Variants in SC5D observed in about 807,000 individuals in gnomAD.
SC5D encodes the protein sterol-C5-desaturase.
Under a neutral mutation model 23.9 loss-of-function variants are expected in SC5D, and 21 were observed. The ratio of observed to expected loss-of-function variants is 0.88; its 90% confidence interval spans 0.62 to 1.26. SC5D has a LOEUF of 1.26. Among genes scored for constraint, SC5D ranks in the 50% most tolerant of loss-of-function variants. SC5D has a pLI of 0.00. For synonymous variants in SC5D, 113 were observed against 125.9 expected (o/e 0.90, Z 0.68); for missense variants, 309 against 364.8 (o/e 0.85, Z 1.25).
rs903345842 is a variant in SC5D at position 121,312,696 on chromosome 11, G to T, written c.*5184G>T. ...TTTTAGGCTGCAATGAGCTATAATT[G>T]CACTACTGCACTCCACGCTGGGTGA... On this transcript the variant is annotated 3_prime_UTR_variant, in exon 5 of 5. Coordinates refer to ENST00000264027, the MANE Select transcript of SC5D (RefSeq NM_006918.5). Among the ~76,000 whole-genome samples, 53 of 151,936 alleles carry T rather than the reference G, an allele frequency of 3.5e-4. No individual in the cohort carries two copies. The highest frequency in any genetic ancestry group is 1.3e-3 in the African/African-American group (52 of 41,384).
intron 1 of SC5D, among the ~76,000 whole-genome samples, chr11:121,293,853 A>G (rs1267330906): frequency 6.6e-6 from 1 of 152,222 alleles, no homozygotes; most frequent in Non-Finnish European, 1.5e-5. Flanking sequence ...TTGAGAGATA[A>G]CATAACGTGG....
rs1197861167 is a variant in SC5D at position 121,309,514 on chromosome 11, A to G, written c.*2002A>G. Among the ~76,000 whole-genome samples, 3 of 152,198 alleles carry G rather than the reference A, an allele frequency of 2.0e-5. No individual in the cohort carries two copies. Among genetic ancestry groups the G allele is most frequent in the Non-Finnish European group, 2.9e-5 (2 of 68,038 alleles). ...GATGTTGAAATGGTGAATGAGCCAT[A>G]AAGTATTTCAGGTTATCCACACACT... On this transcript the variant is annotated 3_prime_UTR_variant, in exon 5 of 5. Transcript: ENST00000264027.
rs1304927039 is a variant in SC5D at position 121,312,925 on chromosome 11, TC to T, written c.*5414del. Among the ~76,000 whole-genome samples, 1 of 152,188 alleles carries T rather than the reference TC, an allele frequency of 6.6e-6. No homozygotes were observed. The highest frequency in any genetic ancestry group is 2.4e-5 in the African/African-American group (1 of 41,466). On this transcript the variant is annotated 3_prime_UTR_variant, in exon 5 of 5. Coordinates refer to ENST00000264027, the MANE Select transcript of SC5D (RefSeq NM_006918.5). Reference sequence around the variant, plus strand: ...GGTGTGGTGACTTTTGTCTGTCGCTTCATTGGGACGTTTTTTCTTTCTGATC... The same window carrying T: ...GGTGTGGTGACTTTTGTCTGTCGCTTATTGGGACGTTTTTTCTTTCTGATC...
At chr11:121,294,989 A>G (rs1294320574) in intron 1 of SC5D, among the ~76,000 whole-genome samples, 5 of 152,194 alleles carry the variant, frequency 3.3e-5, no homozygotes, top group East Asian at 3.8e-4. Context: ...TATAACTTCA[A>G]CTACTACCTG....
Position 121,311,969 on chromosome 11 carries a change from C to G in SC5D, c.*4457C>G, listed in dbSNP as rs1591507742. 1.3e-5 allele frequency among the ~76,000 whole-genome samples: 2 copies of G among 152,124 alleles called. No homozygotes were observed. Among genetic ancestry groups the G allele is most frequent in the East Asian group, 3.9e-4 (2 of 5,194 alleles). On this transcript the variant is annotated 3_prime_UTR_variant, in exon 5 of 5. Transcript: ENST00000264027. Reference sequence around the variant, plus strand: ...TGAGGTGAAGTAGAGATAGAGGGTACACAGAAAAATCGTATAAGTAAAACT... The same window carrying G: ...TGAGGTGAAGTAGAGATAGAGGGTAGACAGAAAAATCGTATAAGTAAAACT...
rs1948022405 is a variant in SC5D at position 121,312,934 on chromosome 11, CG to C, written c.*5423del. 1.3e-5 allele frequency among the ~76,000 whole-genome samples: 2 copies of C among 152,130 alleles called. No individual in the cohort carries two copies. Among genetic ancestry groups the C allele is most frequent in the African/African-American group, 2.4e-5 (1 of 41,502 alleles). ...ACTTTTGTCTGTCGCTTCATTGGGA[CG>C]TTTTTTCTTTCTGATCAACTTAATG... On this transcript the variant is annotated 3_prime_UTR_variant, in exon 5 of 5. Transcript: ENST00000264027.
intron 1 of SC5D, among the ~76,000 whole-genome samples, chr11:121,300,278 A>G (rs1354125750): frequency 6.6e-6 from 1 of 152,218 alleles, no homozygotes; most frequent in Non-Finnish European, 1.5e-5. Context: ...AGCTTTGGAC[A>G]TTTTCCGTCC....
At position 121,309,002 on chromosome 11, in the gene SC5D, A is replaced by G. The variant is rs1316344876; in HGVS notation, c.*1490A>G. On this transcript the variant is annotated 3_prime_UTR_variant, in exon 5 of 5. Transcript: ENST00000264027. Reference sequence around the variant, plus strand: ...TCACCCCCGGTGCTCCGCCTTGCCTAAGAAAAAGAAATTAAGGAGAAGTAA... The same window carrying G: ...TCACCCCCGGTGCTCCGCCTTGCCTGAGAAAAAGAAATTAAGGAGAAGTAA... Among the ~76,000 whole-genome samples, 1 of 152,216 alleles carries G rather than the reference A, an allele frequency of 6.6e-6. No homozygotes were observed. Among genetic ancestry groups the G allele is most frequent in the Non-Finnish European group, 1.5e-5 (1 of 68,030 alleles).
intron 4 of SC5D, chr11:121,306,710 C>A (rs2134270410): frequency 1.4e-5 from 9 of 659,394 alleles, no homozygotes; most frequent in Non-Finnish European, 1.9e-5. Flanking sequence ...CATGGACTTA[C>A]AGAGGGAACA....
chr11:121,302,620 A>G (rs1009611920), intron 1 of SC5D, among the ~76,000 whole-genome samples: 1 of 152,102 alleles, frequency 6.6e-6, no homozygotes, highest in Non-Finnish European at 1.5e-5. Flanking sequence ...CTATAAGCCC[A>G]CCTTTGTAGC....
In SC5D at chr11:121,307,044, T is replaced by C; in HGVS notation, c.445-13T>C. The C allele has an allele frequency of 6.2e-7, 1 of 1,611,440 alleles. No individual in the cohort carries two copies. Among genetic ancestry groups the C allele is most frequent in the Non-Finnish European group, 8.5e-7 (1 of 1,177,526 alleles). On this transcript the variant is annotated splice_polypyrimidine_tract_variant and intron_variant, in intron 4 of 4. Coordinates refer to ENST00000264027, the MANE Select transcript of SC5D (RefSeq NM_006918.5). The stretch of plus-strand genomic sequence containing the variant: ...AAAGTTTGCAGTGCTAATTGTGTCC[T>C]TTTCTCCTGCAGCGCCTACATAAAC...
At chr11:121,301,635 G>C (rs115846060) in intron 1 of SC5D, among the ~76,000 whole-genome samples, 2,708 of 152,122 alleles carry the variant, frequency 0.018, 55 homozygotes, top group African/African-American at 0.055. Flanking sequence ...ATAGGGTTGG[G>C]GTTTATTTTT....
In SC5D at chr11:121,307,382, C is replaced by T; in HGVS notation, c.770C>T (p.Pro257Leu). 1 of 1,613,866 alleles carries T rather than the reference C, an allele frequency of 6.2e-7. No homozygotes were observed. ...AGGATTGGCGGCTCATTCAAAAATC[C>T]TTCATCCTTTGAGGGGAAGGGACCG... ...WDRIGGSFKN[P>L]SSFEGKGPLS... The change falls in exon 5 of 5, where the codon CCT (proline) becomes CTT (leucine). Residue 257 changes from proline to leucine, a missense_variant. Physicochemically the swap from Pro to Leu is moderately conservative, Grantham distance 98. Coordinates refer to ENST00000264027, the MANE Select transcript of SC5D (RefSeq NM_006918.5).
At chr11:121,303,175 A>T (rs1040538804) in intron 1 of SC5D, among the ~76,000 whole-genome samples, 191 bp from the exon 2 acceptor site, 4 of 152,198 alleles carry the variant, frequency 2.6e-5, no homozygotes, top group Non-Finnish European at 4.4e-5. Flanking sequence ...TAGTATGAAG[A>T]GATTGGACTA....
rs1947974819 is a variant in SC5D, at chr11:121,307,395, G to A, written c.783G>A (p.Glu261=). 6.2e-7 allele frequency: 1 copy of A among 1,613,770 alleles called. No individual in the cohort carries two copies. Among genetic ancestry groups the A allele is most frequent in the Non-Finnish European group, 8.5e-7 (1 of 1,179,718 alleles). Reference sequence around the variant, plus strand: ...CATTCAAAAATCCTTCATCCTTTGAGGGGAAGGGACCGCTCAGTTATGTGA... The same window carrying A: ...CATTCAAAAATCCTTCATCCTTTGAAGGGAAGGGACCGCTCAGTTATGTGA... ...GGSFKNPSSF[E]GKGPLSYVKE... is the part of the protein sequence containing the mutation. Residue 261 remains glutamate, a synonymous_variant, in exon 5 of 5, where the codon GAG becomes GAA. Transcript: ENST00000264027.
Position 121,312,404 on chromosome 11 carries a change from A to G in SC5D, c.*4892A>G, listed in dbSNP as rs1591507895. 6.6e-6 allele frequency among the ~76,000 whole-genome samples: 1 copy of G among 152,228 alleles called. No homozygotes were observed. The highest frequency in any genetic ancestry group is 2.4e-5 in the African/African-American group (1 of 41,460). On this transcript the variant is annotated 3_prime_UTR_variant, in exon 5 of 5. Coordinates refer to ENST00000264027, the MANE Select transcript of SC5D (RefSeq NM_006918.5). ...AAATTACATTCCCATTTCTTTAACA[A>G]TTTGTAAATTCCAATTATCCTGAAC... is the stretch of plus-strand genomic sequence containing the variant.
At chr11:121,296,354 G>A (rs1166296941) in intron 1 of SC5D, among the ~76,000 whole-genome samples, 2 of 152,126 alleles carry the variant, frequency 1.3e-5, no homozygotes, top group Non-Finnish European at 2.9e-5. Flanking sequence ...CCCCTAACAT[G>A]TTTTTCCCTC....
chr11:121,296,336 A>G (rs1178919670), intron 1 of SC5D, among the ~76,000 whole-genome samples: 1 of 152,134 alleles, frequency 6.6e-6, no homozygotes, highest in East Asian at 1.9e-4. Flanking sequence ...TCTCCTTTAC[A>G]AGTCCATCCC....
Position 121,307,835 on chromosome 11 carries a change from C to T in SC5D, c.*323C>T, listed in dbSNP as rs1482658519. 8.5e-6 allele frequency: 2 copies of T among 234,656 alleles called. No homozygotes were observed. The highest frequency in any genetic ancestry group is 1.7e-5 in the Non-Finnish European group (2 of 119,782). 14.5% of individuals were successfully genotyped at this position (234,656 alleles called of 1,614,324 possible). A position where few individuals can be genotyped will look rare whatever the true frequency, so the allele number is the denominator to read the frequency against. ...GATGGAGAATAAATTATTGAGGGGA[C>T]TAGGCTATATGCATTTGCCTTCATC... On this transcript the variant is annotated 3_prime_UTR_variant, in exon 5 of 5. Transcript: ENST00000264027.
Sources: gnomAD v4.1 joint callset for allele counts (sites outside exome capture counted in the v4.1 genomes callset) on GRCh38, gnomAD v4.1.1 for gene constraint, MANE v1.5 for transcripts, NCBI Gene and HGNC (gene_info 2026-07-23, HGNC 2026-07-21) for gene names.